GSE1: variants seen among roughly 807,000 people sequenced by gnomAD.
GSE1 encodes Gse1 coiled-coil protein.
In GSE1, 32 loss-of-function variants were observed where a neutral mutation model predicts 112.6. The ratio of observed to expected loss-of-function variants is 0.28; its 90% CI spans 0.21 to 0.38. The LOEUF is 0.38. Ranked by LOEUF, GSE1 falls within the 10% of genes least tolerant of loss-of-function variation. The pLI is 1.00. For synonymous variants in GSE1, 1,115 were observed against 735.6 expected, an observed-to-expected ratio of 1.52 and a Z score of -8.35; for missense variants, 2,348 against 1,699.2, an observed-to-expected ratio of 1.38 and a Z score of -6.71.
intron 2 of GSE1, among the ~76,000 whole-genome samples, chr16:85,367,777 G>A (rs1031249397): frequency 6.6e-6 from 1 of 151,590 alleles, no homozygotes; most frequent in Non-Finnish European, 1.5e-5. Context: ...GTGAATGTGA[G>A]CTTTTTAGTC....
At chr16:85,332,275 G>A (rs949273959) in intron 1 of GSE1, among the ~76,000 whole-genome samples, 1 of 152,216 alleles carries the variant, frequency 6.6e-6, no homozygotes, top group Non-Finnish European at 1.5e-5. Context: ...CCCTGGGTCT[G>A]TATGCCTTGG....
chr16:85,246,551 G>A (rs1188557667), intron 1 of GSE1, among the ~76,000 whole-genome samples: 1 of 141,400 alleles, frequency 7.1e-6, no homozygotes, highest in African/African-American at 2.6e-5. Context: ...CAGCTGTGCA[G>A]GAGCAGCCGT....
chr16:85,241,531 C>T (rs888531163), intron 1 of GSE1, among the ~76,000 whole-genome samples: 1 of 152,128 alleles, frequency 6.6e-6, no homozygotes, highest in Non-Finnish European at 1.5e-5. Context: ...GTGGTTAAAC[C>T]TTTACCTCAC....
chr16:85,267,101 A>C (rs1908326590), intron 1 of GSE1, among the ~76,000 whole-genome samples: 1 of 152,132 alleles, frequency 6.6e-6, no homozygotes. Flanking sequence ...AATTGGAAGA[A>C]ATTGCACGAG....
chr16:85,317,820 T>A (rs1442422581), intron 1 of GSE1, among the ~76,000 whole-genome samples: 2 of 152,188 alleles, frequency 1.3e-5, no homozygotes. Flanking sequence ...TGAGCTCAGC[T>A]CCTTGCCTCG....
rs183491385 is a variant in GSE1, at chr16:85,372,427, C to T, written c.2464+14784C>T. Among the ~76,000 whole-genome samples the T allele has an allele frequency of 5.7e-4, 83 of 146,320 alleles. 1 individual carries two copies. Among genetic ancestry groups the T allele is most frequent in the African/African-American group, 1.8e-3 (72 of 39,374 alleles). On this transcript the variant is annotated intron_variant, in intron 2 of 2. Coordinates refer to the GSE1 transcript ENST00000637419. The stretch of plus-strand genomic sequence containing the variant: ...CTGGGAGGTTGAGGCTTCAGTGAGC[C>T]GAGATCATGCACACTGCACTCCAAC...
At chr16:85,495,464 TATTTATTTATTTGTGTATTTATTTATTC>T (rs1320638349) in intron 2 of GSE1, among the ~76,000 whole-genome samples, 35 of 147,410 alleles carry the variant, frequency 2.4e-4, no homozygotes, top group Middle Eastern at 3.5e-3. Context: ...TTTATTTATT[TATTTATTTATTTGTGTATTTATTTATTC>T]ATTTATGTTT....
intron 2 of GSE1, among the ~76,000 whole-genome samples, chr16:85,428,592 G>A (rs991228591): frequency 3.9e-5 from 6 of 152,198 alleles, no homozygotes; most frequent in African/African-American, 1.2e-4. Flanking sequence ...TCCCTGTGGG[G>A]TTTCTGGAGT....
chr16:85,417,287 T>C (rs981410760), intron 2 of GSE1, among the ~76,000 whole-genome samples: 5 of 152,128 alleles, frequency 3.3e-5, no homozygotes, highest in African/African-American at 1.2e-4. Context: ...ACTCCCCGAG[T>C]TGTGACAACC....
Position 85,671,119 on chromosome 16 carries a change from A to C in GSE1, c.3519+21A>C. ...TGGCGGTGAGTTGGGAAGGGATGGA[A>C]ACCTTCAAACACGCAACCTTTTGAG... is the stretch of plus-strand genomic sequence containing the variant. On this transcript the variant is annotated intron_variant, in intron 15 of 15. Transcript: ENST00000253458. 2.2e-6 allele frequency: 3 copies of C among 1,352,266 alleles called. No homozygotes were observed. The South Asian group carries it at 3.5e-5, about 16-fold the overall frequency. 83.8% of individuals were successfully genotyped at this position (1,352,266 alleles called of 1,614,324 possible).
chr16:85,660,790 C>T (rs2052363826), intron 8 of GSE1, among the ~76,000 whole-genome samples: 2 of 152,016 alleles, frequency 1.3e-5, no homozygotes, highest in Non-Finnish European at 2.9e-5. Context: ...GCCACCATGC[C>T]TGGCTAATTT....
At chr16:85,459,858 G>A (rs1309639797) in intron 2 of GSE1, among the ~76,000 whole-genome samples, 1 of 152,350 alleles carries the variant, frequency 6.6e-6, no homozygotes, top group Admixed American at 6.5e-5. Flanking sequence ...TCACAGAGGG[G>A]GTTGCTGACG....
At chr16:85,623,638 T>G (rs1376614208) in intron 1 of GSE1, among the ~76,000 whole-genome samples, 2 of 152,176 alleles carry the variant, frequency 1.3e-5, no homozygotes, top group African/African-American at 2.4e-5. Context: ...CCCCGGTGCC[T>G]GCAGGCAGGC....
intron 1 of GSE1, among the ~76,000 whole-genome samples, chr16:85,298,279 T>A (rs2045422853): frequency 1.3e-5 from 2 of 152,274 alleles, no homozygotes; most frequent in Non-Finnish European, 2.9e-5. Context: ...CCTGCCCAGA[T>A]GTCTCCAAGA....
intron 2 of GSE1, among the ~76,000 whole-genome samples, chr16:85,485,309 C>T (rs1235615184): frequency 6.6e-6 from 1 of 152,250 alleles, no homozygotes; most frequent in African/African-American, 2.4e-5. Context: ...GAGGGAGAGA[C>T]AGGAGCCTGC....
rs1275074365 is a variant in GSE1, at chr16:85,478,907, C to G, written c.2464+121264C>G. ...TCTTTCTTTCTTTCTTTCTTTCTTT[C>G]TTTCTTTCTTTCTTTCTTTCTCTTT... On this transcript the variant is annotated intron_variant, in intron 2 of 2. Coordinates refer to the GSE1 transcript ENST00000637419. Among the ~76,000 whole-genome samples, 96 of 51,040 alleles carry G rather than the reference C, an allele frequency of 1.9e-3. 2 individuals are homozygous for G. The highest frequency in any genetic ancestry group is 9.3e-3 in the Middle Eastern group (1 of 108). The allele number at this position is 51,040 out of a possible 152,430, so 33.5% of individuals were successfully genotyped here. A position where few individuals can be genotyped will look rare whatever the true frequency, so the allele number is the denominator to read the frequency against.
intron 2 of GSE1, among the ~76,000 whole-genome samples, chr16:85,453,800 C>T (rs1175754170): frequency 6.6e-6 from 1 of 152,198 alleles, no homozygotes; most frequent in Non-Finnish European, 1.5e-5. Flanking sequence ...TCTGGGCGGA[C>T]CCCCAGGTGT....
At chr16:85,271,112 T>C (rs887980053) in intron 1 of GSE1, among the ~76,000 whole-genome samples, 2 of 151,852 alleles carry the variant, frequency 1.3e-5, no homozygotes, top group African/African-American at 4.8e-5. Flanking sequence ...TACCGGGAGG[T>C]GAATGCCCCG....
intron 2 of GSE1, among the ~76,000 whole-genome samples, chr16:85,491,944 T>C (rs998874357): frequency 6.6e-6 from 1 of 152,192 alleles, no homozygotes; most frequent in African/African-American, 2.4e-5. Flanking sequence ...TGCCTGTCCC[T>C]GTCCCCGCCT....
Sources: allele counts gnomAD v4.1 joint callset (sites outside exome capture counted in the v4.1 genomes callset), GRCh38; gene constraint gnomAD v4.1.1; transcripts MANE v1.5; gene names NCBI Gene and HGNC (gene_info 2026-07-23, HGNC 2026-07-21).